Variants in C5orf34 observed in about 807,000 individuals in gnomAD.
C5orf34 encodes the protein chromosome 5 open reading frame 34.
C5orf34 carries 73 observed loss-of-function variants against 78.4 expected under a neutral mutation model. That is an observed-to-expected ratio of 0.93 (90% CI 0.77 to 1.13). The LOEUF (loss-of-function observed/expected upper bound fraction) is 1.13, where lower values mean the gene tolerates loss of function less well. Ranked by LOEUF, C5orf34 falls within the 50% of genes most tolerant of loss-of-function variation. C5orf34 has a pLI of 0.00. For synonymous variants in C5orf34, 251 were observed against 246.6 expected, an observed-to-expected ratio of 1.02 and a Z score of -0.17; for missense variants, 730 against 732.7, an observed-to-expected ratio of 1.00 and a Z score of 0.04.
Position 43,502,513 on chromosome 5 carries a change from C to A in C5orf34, c.1029-18G>T. 1 of 1,484,564 alleles carries A rather than the reference C, an allele frequency of 6.7e-7. No homozygotes were observed. Among genetic ancestry groups the A allele is most frequent in the South Asian group, 1.2e-5 (1 of 81,936 alleles). 92.0% of individuals were successfully genotyped at this position (1,484,564 alleles called of 1,614,324 possible). On this transcript the variant is annotated intron_variant, in intron 5 of 12. Coordinates refer to ENST00000306862, the MANE Select transcript of C5orf34 (RefSeq NM_198566.4). Reference sequence around the variant, plus strand: ...GGGTAAGTCTAAGAAATAGAAATAACCATTAAAAATTTTTTTCCACTTGAG... The same window carrying A: ...GGGTAAGTCTAAGAAATAGAAATAAACATTAAAAATTTTTTTCCACTTGAG...
intron 10 of C5orf34, among the ~76,000 whole-genome samples, chr5:43,491,313 G>T (rs1579854310): frequency 6.6e-6 from 1 of 152,248 alleles, no homozygotes; most frequent in East Asian, 1.9e-4. Flanking sequence ...TAATAGCAAT[G>T]AATGAGCACT....
Position 43,509,242 on chromosome 5 carries a change from T to G in C5orf34, c.98A>C (p.Glu33Ala). ...AGGTGGTGACTTTTCAAATAAAAAT[T>G]CAGAGCCACAGGGAGAAAGTTGCAA... The part of the protein sequence containing the change: ...STLQLSPCGS[E>A]FLFEKSPPVS... The change falls in exon 2 of 13, where the codon GAA becomes GCA. Residue 33 changes from glutamate to alanine, a missense_variant. By Grantham distance (107) the Glu-to-Ala change is moderately radical. Coordinates refer to ENST00000306862, the MANE Select transcript of C5orf34 (RefSeq NM_198566.4). 6.2e-7 allele frequency: 1 copy of G among 1,614,166 alleles called. No individual in the cohort carries two copies. The highest frequency in any genetic ancestry group is 8.5e-7 in the Non-Finnish European group (1 of 1,179,990).
chr5:43,489,064 CCAA>C (rs1397755904), intron 11 of C5orf34, among the ~76,000 whole-genome samples: 1 of 151,676 alleles, frequency 6.6e-6, no homozygotes, highest in African/African-American at 2.4e-5. Context: ...ACAACTTACC[CCAA>C]CAACCAGCTG....
chr5:43,500,943 G>T (rs1007669563), intron 6 of C5orf34, among the ~76,000 whole-genome samples: 8 of 152,114 alleles, frequency 5.3e-5, no homozygotes, highest in Admixed American at 5.2e-4. Flanking sequence ...CCCAAAAGAG[G>T]GTCAATTGTT....
rs1256316300 is a variant in C5orf34 at position 43,487,023 on chromosome 5, T to C, written c.1809A>G (p.Ser603=). 12 of 1,594,168 alleles carry C rather than the reference T, an allele frequency of 7.5e-6. No homozygotes were observed. The highest frequency in any genetic ancestry group is 1.0e-5 in the Non-Finnish European group (12 of 1,169,944). ...QSFDHYKPGS[S]ETLLGEVNEN... ...CATTAACTTCTCCTAGCAAGGTTTC[T>C]GAAGATCCTGGTTTATAATGATCAA... Residue 603 remains serine (S), a synonymous_variant, in exon 13 of 13, where the codon TCA becomes TCG. Coordinates refer to ENST00000306862, the MANE Select transcript of C5orf34 (RefSeq NM_198566.4).
At chr5:43,510,639 C>T (rs1166029353) in intron 1 of C5orf34, among the ~76,000 whole-genome samples, 4 of 152,230 alleles carry the variant, frequency 2.6e-5, no homozygotes, top group South Asian at 2.1e-4. Flanking sequence ...GACGGGGTTT[C>T]GCTGTGTTGG....
At chr5:43,494,978 AC>A in intron 6 of C5orf34, 5 of 992,706 alleles carry the variant, frequency 5.0e-6, no homozygotes, top group Non-Finnish European at 7.7e-6. Flanking sequence ...CCAGTCTTTC[AC>A]TACTAAACTT....
chr5:43,506,430 T>C (rs1359546644), intron 3 of C5orf34, 36 bp from the exon 4 acceptor site: 1 of 1,534,450 alleles, frequency 6.5e-7, no homozygotes, highest in Non-Finnish European at 8.7e-7. Context: ...GTGAGTATTT[T>C]CTGTTAACAG....
Position 43,495,183 on chromosome 5 carries a change from G to C in C5orf34, c.1153-582C>G, listed in dbSNP as rs989501604. The C allele has an allele frequency of 5.0e-6, 8 of 1,611,018 alleles. No homozygotes were observed. In the South Asian group the frequency reaches 8.8e-5, roughly 18 times the overall value. The stretch of plus-strand genomic sequence containing the variant: ...ACCGCAACTGTCTGTCTCATATCAC[G>C]AACAGCAAAATGACCCAAAGGTGGA... On this transcript the variant is annotated intron_variant, in intron 6 of 12. Coordinates refer to ENST00000306862, the MANE Select transcript of C5orf34 (RefSeq NM_198566.4).
chr5:43,506,128 T>C lies in C5orf34; in HGVS notation c.552A>G (p.Gly184=). ...TCTTCAGTCTCTGTCCTGGTAAATT[T>C]CCACGTATACAGATTTTGCCAGTTT... is the stretch of plus-strand genomic sequence containing the variant. The part of the protein sequence containing the change: ...VEKTGKICIR[G]NLPGQRLKNK... Residue 184 remains glycine (G), a synonymous_variant, in exon 4 of 13, where the codon GGA becomes GGG. Coordinates refer to ENST00000306862, the MANE Select transcript of C5orf34 (RefSeq NM_198566.4). The C allele has an allele frequency of 6.2e-7, 1 of 1,614,238 alleles. No homozygotes were observed. Among genetic ancestry groups the C allele is most frequent in the Non-Finnish European group, 8.5e-7 (1 of 1,180,042 alleles).
At chr5:43,488,673 C>T (rs1242680684) in intron 11 of C5orf34, among the ~76,000 whole-genome samples, 1 of 151,918 alleles carries the variant, frequency 6.6e-6, no homozygotes, top group African/African-American at 2.4e-5. Flanking sequence ...ATACCATGTT[C>T]TATAGAAAGA....
chr5:43,488,675 A>G (rs1745154008), intron 11 of C5orf34, among the ~76,000 whole-genome samples: 1 of 152,086 alleles, frequency 6.6e-6, no homozygotes. Context: ...ACCATGTTCT[A>G]TAGAAAGATA....
At chr5:43,498,373 T>TTAATC (rs1745630118) in intron 6 of C5orf34, among the ~76,000 whole-genome samples, 2 of 152,204 alleles carry the variant, frequency 1.3e-5, no homozygotes, top group Non-Finnish European at 2.9e-5. Flanking sequence ...TGGATCCATC[T>TTAATC]TACAATTAAG....
chr5:43,510,325 TTC>T (rs1746167693), intron 1 of C5orf34, among the ~76,000 whole-genome samples: 1 of 152,186 alleles, frequency 6.6e-6, no homozygotes, highest in African/African-American at 2.4e-5. Flanking sequence ...TTGTCCTTAT[TTC>T]TCTGCATTCA....
chr5:43,503,587 A>G (rs1745853912), intron 5 of C5orf34, 78 bp downstream of exon 5: 1 of 949,004 alleles, frequency 1.1e-6, no homozygotes, highest in Non-Finnish European at 1.7e-6. Context: ...GAGTCTGTCT[A>G]TAAGGCTCGT....
chr5:43,486,925 G>T lies in C5orf34; in HGVS notation c.1907C>A (p.Ser636Tyr). The part of the protein sequence containing the change: ...LHDIDCLLSN[S>Y]KK ...TAATAATTCCATTTTTCACTTTTTA[G>T]AGTTTGATAGAAGACAGTCAATATC... Residue 636 changes from serine to tyrosine, a missense_variant, in exon 13 of 13, where the codon TCT becomes TAT. Transcript: ENST00000306862. 1 of 1,508,466 alleles carries T rather than the reference G, an allele frequency of 6.6e-7. No individual in the cohort carries two copies. Among genetic ancestry groups the T allele is most frequent in the South Asian group, 1.3e-5 (1 of 74,768 alleles). The allele number at this position is 1,508,466 out of a possible 1,614,324, so 93.4% of individuals were successfully genotyped here.
intron 6 of C5orf34, chr5:43,495,259 G>A: frequency 6.2e-7 from 1 of 1,606,882 alleles, no homozygotes; most frequent in Non-Finnish European, 8.5e-7. Flanking sequence ...TATCAACAAT[G>A]GCAGCATCAC....
intron 7 of C5orf34, among the ~76,000 whole-genome samples, chr5:43,494,201 A>C (rs1039108079): frequency 3.3e-5 from 5 of 152,170 alleles, no homozygotes; most frequent in African/African-American, 1.2e-4. Context: ...CAAATCTCCA[A>C]CTTGATTTCA....
chr5:43,493,590 T>A lies in C5orf34; in HGVS notation c.1267A>T (p.Met423Leu), dbSNP rs762707800. 12 of 1,583,116 alleles carry A rather than the reference T, an allele frequency of 7.6e-6. No homozygotes were observed. In the African/African-American group the frequency reaches 1.5e-4, roughly 20 times the overall value. ...TAGTTATGGCTTAAAGAAAGTCTCATCTTCACACAATGTTGAAGAATTCTG... is the reference window on the plus strand; with the variant it reads ...TAGTTATGGCTTAAAGAAAGTCTCAACTTCACACAATGTTGAAGAATTCTG... ...ATRILQHCVK[M>L]RLSLSHNYRI... The change falls in exon 8 of 13, where the codon ATG becomes TTG. Residue 423 changes from methionine to leucine, a missense_variant. Transcript: ENST00000306862.
Sources: allele counts gnomAD v4.1 joint callset (sites outside exome capture counted in the v4.1 genomes callset), GRCh38; gene constraint gnomAD v4.1.1; transcripts MANE v1.5; gene names NCBI Gene and HGNC (gene_info 2026-07-23, HGNC 2026-07-21).